REPS2: variants seen among roughly 807,000 people sequenced by gnomAD.
REPS2 encodes the protein RALBP1 associated Eps domain containing 2.
In REPS2, 23 loss-of-function variants were observed where a neutral mutation model predicts 53.6. That is an observed-to-expected ratio of 0.43 (90% confidence interval 0.31 to 0.61). The LOEUF is 0.61. Ranked by LOEUF, REPS2 falls within the 20% of genes least tolerant of loss-of-function variation. REPS2 has a pLI of 0.11. For missense variants in REPS2, 446 were observed against 534.9 expected, an observed-to-expected ratio of 0.83 and a Z score of 1.64; for synonymous variants, 238 against 218.6, an observed-to-expected ratio of 1.09 and a Z score of -0.78.
intron 3 of REPS2, among the ~76,000 whole-genome samples, chrX:17,023,551 T>C (rs2061601675): frequency 1.0e-5 from 1 of 99,828 alleles, no homozygotes; most frequent in African/African-American, 3.7e-5. Flanking sequence ...GAGGTGTTGC[T>C]ACAGAAGTTT....
At chrX:17,015,739 A>G (rs1264738162) in intron 2 of REPS2, among the ~76,000 whole-genome samples, 3 of 111,318 alleles carry the variant, frequency 2.7e-5, no homozygotes, top group African/African-American at 6.5e-5. Context: ...AAGGACATGA[A>G]CTCATCATTT....
chrX:17,134,520 C>T (rs1054376605), intron 15 of REPS2, among the ~76,000 whole-genome samples: 3 of 112,266 alleles, frequency 2.7e-5, no homozygotes, highest in African/African-American at 9.7e-5. Flanking sequence ...TTCCAGAATA[C>T]ACTGTGGCTC....
intron 6 of REPS2, among the ~76,000 whole-genome samples, chrX:17,048,668 T>A (rs2061939883): frequency 9.0e-6 from 1 of 111,526 alleles, no homozygotes; most frequent in Non-Finnish European, 1.9e-5. Context: ...ACCATAACAG[T>A]ATCACGGAGC....
At position 16,999,131 on chromosome X, in the gene REPS2, G is replaced by A. The variant is rs994011613; in HGVS notation, c.274-7090G>A. On this transcript the variant is annotated intron_variant, in intron 1 of 17. Coordinates refer to ENST00000357277, the MANE Select transcript of REPS2 (RefSeq NM_004726.3). ...TCCATTGTATGGATCAACCACAATT[G>A]ATTAAACTAATATCTTAGATGGTAG... Among the ~76,000 whole-genome samples, 5 of 112,163 alleles carry A rather than the reference G, an allele frequency of 4.5e-5. No homozygotes were observed. The Admixed American group carries it at 4.7e-4, about 11-fold the overall frequency.
the REPS2 span, among the ~76,000 whole-genome samples, chrX:17,183,454 C>T: frequency 8.9e-6 from 1 of 112,307 alleles, no homozygotes; most frequent in Admixed American, 9.4e-5. Context: ...AAGAGTAAAG[C>T]AATACCAGTG....
At chrX:17,053,751 C>T (rs1332172434) in intron 7 of REPS2, among the ~76,000 whole-genome samples, 1 of 111,739 alleles carries the variant, frequency 8.9e-6, no homozygotes, top group East Asian at 2.8e-4. Flanking sequence ...ATGAGACCTC[C>T]TATCTTTTTG....
intron 13 of REPS2, among the ~76,000 whole-genome samples, chrX:17,091,343 C>A (rs1174695135): frequency 9.0e-6 from 1 of 111,530 alleles, no homozygotes; most frequent in Non-Finnish European, 1.9e-5. Context: ...ATGTAGAATA[C>A]CCTCTGTCTA....
At chrX:17,022,446 A>G in intron 3 of REPS2, 175 bp downstream of exon 3, 1 of 376,607 alleles carries the variant, frequency 2.7e-6, no homozygotes, top group East Asian at 4.2e-5. Flanking sequence ...GACACATATG[A>G]ATCACCACCA....
intron 1 of REPS2, among the ~76,000 whole-genome samples, chrX:16,950,113 T>A (rs1034252638): frequency 4.5e-5 from 5 of 110,325 alleles, no homozygotes; most frequent in African/African-American, 1.3e-4. Flanking sequence ...TTTTAGAATG[T>A]CATATAGTTG....
intron 13 of REPS2, among the ~76,000 whole-genome samples, chrX:17,095,742 A>G (rs1207930351): frequency 9.0e-6 from 1 of 111,072 alleles, no homozygotes; most frequent in East Asian, 2.8e-4. Context: ...TTGTCAAAGT[A>G]TGCCCTTTTC....
intron 6 of REPS2, 63 bp from the exon 7 acceptor site, chrX:17,052,319 A>G (rs936175085): frequency 6.2e-5 from 58 of 934,678 alleles, no homozygotes; most frequent in Non-Finnish European, 8.2e-5. Flanking sequence ...TCATTTGTAT[A>G]TAAATGTAAA....
At chrX:17,000,046 CAAAAA>C (rs61082179) in intron 1 of REPS2, among the ~76,000 whole-genome samples, 2 of 27,106 alleles carry the variant, frequency 7.4e-5, no homozygotes, top group Non-Finnish European at 1.5e-4. Context: ...GACTCCGTCT[CAAAAA>C]AAAAAAAAAA....
intron 1 of REPS2, among the ~76,000 whole-genome samples, chrX:16,951,910 G>C (rs867838269): frequency 9.0e-6 from 1 of 110,977 alleles, no homozygotes; most frequent in Middle Eastern, 4.6e-3. Flanking sequence ...CATCTTATTG[G>C]AGTTTTCTTT....
At chrX:17,055,844 C>T (rs1216394153) in intron 8 of REPS2, among the ~76,000 whole-genome samples, 3 of 44,397 alleles carry the variant, frequency 6.8e-5, no homozygotes, top group Middle Eastern at 0.029. Flanking sequence ...GTGGTGGGGT[C>T]GGGGGAGGGG....
intron 2 of REPS2, among the ~76,000 whole-genome samples, chrX:17,012,606 G>A (rs2061443750): frequency 2.7e-5 from 3 of 110,401 alleles, no homozygotes; most frequent in South Asian, 3.9e-4. Context: ...GTCCCTTTGG[G>A]AGCCTGTGAA....
chrX:17,040,733 T>C (rs1226836796), intron 5 of REPS2, among the ~76,000 whole-genome samples: 1 of 112,364 alleles, frequency 8.9e-6, no homozygotes, highest in Non-Finnish European at 1.9e-5. Flanking sequence ...CCATGGAAGA[T>C]GAACCTATAT....
In REPS2 at chrX:17,148,809, A is replaced by G; in HGVS notation, c.*1328A>G. On this transcript the variant is annotated 3_prime_UTR_variant, in exon 18 of 18. Coordinates refer to ENST00000357277, the MANE Select transcript of REPS2 (RefSeq NM_004726.3). Reference sequence around the variant, plus strand: ...CACTTTGAGAGACCAATGGCAAGAAATGCTGTCTCTTGTGCATTTTACTAA... The same window carrying G: ...CACTTTGAGAGACCAATGGCAAGAAGTGCTGTCTCTTGTGCATTTTACTAA... The G allele has an allele frequency of 3.3e-6, 1 of 300,086 alleles. No homozygotes were observed. Among genetic ancestry groups the G allele is most frequent in the South Asian group, 3.4e-5 (1 of 29,783 alleles). 24.7% of individuals were successfully genotyped at this position (300,086 alleles called of 1,213,427 possible).
At chrX:16,984,859 T>G (rs2061071805) in intron 1 of REPS2, among the ~76,000 whole-genome samples, 1 of 111,321 alleles carries the variant, frequency 9.0e-6, no homozygotes, top group Admixed American at 9.5e-5. Flanking sequence ...ATTCTTCATT[T>G]GCCAAAGTCC....
chrX:17,137,052 T>A (rs892087740), intron 16 of REPS2: 2 of 112,663 alleles, frequency 1.8e-5, no homozygotes, highest in Admixed American at 1.9e-4. Flanking sequence ...ATGGACATTT[T>A]GGTTATTTCT....
Sources: gnomAD v4.1 joint callset for allele counts (sites outside exome capture counted in the v4.1 genomes callset) on GRCh38, gnomAD v4.1.1 for gene constraint, MANE v1.5 for transcripts, NCBI Gene and HGNC (gene_info 2026-07-23, HGNC 2026-07-21) for gene names.